TMTC2: variants seen among roughly 807,000 people sequenced by gnomAD.
TMTC2 encodes the protein protein O-mannosyl-transferase TMTC2.
A neutral mutation model predicts 82.4 loss-of-function variants in TMTC2; 43 were observed. The observed-to-expected ratio is 0.52, with a 90% confidence interval of 0.41 to 0.67. The LOEUF is 0.67. Ranked by LOEUF, TMTC2 falls within the 30% of genes least tolerant of loss-of-function variation. TMTC2 has a pLI of 0.00. For synonymous variants in TMTC2, 408 were observed against 381.9 expected (o/e 1.07, Z -0.80); for missense variants, 919 against 1,012.4 (o/e 0.91, Z 1.25).
In TMTC2 at chr12:82,895,722, G is replaced by A. The variant is rs916731177; in HGVS notation, c.655-96G>A. On this transcript the variant is annotated intron_variant, in intron 2 of 11. Coordinates refer to ENST00000321196, the MANE Select transcript of TMTC2 (RefSeq NM_152588.3). ...GGAGACATCATGCTGTGTTTTTAACGGTCCATTTAAAAATGTATTTTATCT... is the reference window on the plus strand; with the variant it reads ...GGAGACATCATGCTGTGTTTTTAACAGTCCATTTAAAAATGTATTTTATCT... 8.2e-6 allele frequency: 9 copies of A among 1,101,256 alleles called. No individual in the cohort carries two copies. The East Asian group carries it at 1.0e-4, about 12-fold the overall frequency. 68.2% of individuals were successfully genotyped at this position (1,101,256 alleles called of 1,614,324 possible). A position where few individuals can be genotyped will look rare whatever the true frequency, so the allele number is the denominator to read the frequency against.
At chr12:82,791,503 A>G (rs1878470389) in intron 1 of TMTC2, among the ~76,000 whole-genome samples, 1 of 152,144 alleles carries the variant, frequency 6.6e-6, no homozygotes, top group South Asian at 2.1e-4. Context: ...AAAAAGTGGT[A>G]CAAAGGCTTT....
chr12:83,049,667 CG>C (rs1882277562), intron 9 of TMTC2, among the ~76,000 whole-genome samples: 1 of 152,104 alleles, frequency 6.6e-6, no homozygotes, highest in East Asian at 1.9e-4. Context: ...TATTATTTCG[CG>C]TATGTACACA....
chr12:82,896,357 A>G lies in TMTC2; in HGVS notation c.1194A>G (p.Leu398=), dbSNP rs765053759. 1.2e-6 allele frequency: 2 copies of G among 1,614,096 alleles called. No homozygotes were observed. The highest frequency in any genetic ancestry group is 8.5e-7 in the Non-Finnish European group (1 of 1,180,020). Reference sequence around the variant, plus strand: ...CGGAGAACATTGTTGTTCTGTCTTTATCTTTGTTAATCATACCCTTTGTTC... The same window carrying G: ...CGGAGAACATTGTTGTTCTGTCTTTGTCTTTGTTAATCATACCCTTTGTTC... ...PSTENIVVLS[L]SLLIIPFVPA... Residue 398 remains leucine, a synonymous_variant, in exon 3 of 12, where the codon TTA becomes TTG. Transcript: ENST00000321196.
chr12:83,051,690 A>G lies in TMTC2; in HGVS notation c.2267+672A>G, dbSNP rs1055758104. ...GGAGAGGATTATCAAATACAAGTAT[A>G]CTTAAGGCCCATGAAATTCTCAAAA... On this transcript the variant is annotated intron_variant, in intron 10 of 11. Coordinates refer to ENST00000321196, the MANE Select transcript of TMTC2 (RefSeq NM_152588.3). 5.3e-5 allele frequency among the ~76,000 whole-genome samples: 8 copies of G among 152,180 alleles called. No homozygotes were observed. The South Asian group carries it at 1.7e-3, about 32-fold the overall frequency.
chr12:83,009,149 G>A (rs1199249667), intron 8 of TMTC2, among the ~76,000 whole-genome samples: 2 of 152,148 alleles, frequency 1.3e-5, no homozygotes, highest in Non-Finnish European at 2.9e-5. Context: ...AAGCTCTGGG[G>A]AAGGCTCTGG....
intron 1 of TMTC2, among the ~76,000 whole-genome samples, chr12:82,693,012 A>C (rs1592851823): frequency 6.6e-6 from 1 of 152,230 alleles, no homozygotes; most frequent in African/African-American, 2.4e-5. Flanking sequence ...ATATTACTAC[A>C]TATGAGCTTC....
chr12:82,865,058 C>CAAAAAAAAAA (rs1373298523), intron 2 of TMTC2, among the ~76,000 whole-genome samples: 3 of 84,408 alleles, frequency 3.6e-5, no homozygotes, highest in African/African-American at 9.9e-5. Flanking sequence ...ACTAAAAATA[C>CAAAAAAAAAA]AAAAAAAAAA....
chr12:82,733,184 T>C (rs1459859705), intron 1 of TMTC2, among the ~76,000 whole-genome samples: 1 of 152,206 alleles, frequency 6.6e-6, no homozygotes, highest in Non-Finnish European at 1.5e-5. Flanking sequence ...AGCTGAATAT[T>C]GGAAAGGATC....
At chr12:83,069,079 A>G (rs763215333) in intron 11 of TMTC2, among the ~76,000 whole-genome samples, 3 of 152,188 alleles carry the variant, frequency 2.0e-5, no homozygotes, top group Non-Finnish European at 4.4e-5. Context: ...TCATATACAT[A>G]TACCACAGTT....
At chr12:83,028,442 A>G (rs1326494782) in intron 8 of TMTC2, among the ~76,000 whole-genome samples, 1 of 152,176 alleles carries the variant, frequency 6.6e-6, no homozygotes, top group Non-Finnish European at 1.5e-5. Context: ...TTCCCCTATT[A>G]TGATCAACTT....
chr12:82,688,582 T>A (rs1471092197), intron 1 of TMTC2, among the ~76,000 whole-genome samples: 1 of 152,196 alleles, frequency 6.6e-6, no homozygotes, highest in Non-Finnish European at 1.5e-5. Context: ...CCTTCCGGTG[T>A]CTTAATCTGA....
intron 11 of TMTC2, among the ~76,000 whole-genome samples, chr12:83,089,540 C>T (rs1883771251): frequency 1.3e-5 from 2 of 152,114 alleles, no homozygotes; most frequent in Non-Finnish European, 2.9e-5. Context: ...AAGTAGTCAC[C>T]AGGGTACCAT....
At chr12:83,129,332 A>G (rs1885192217) in intron 11 of TMTC2, among the ~76,000 whole-genome samples, 1 of 152,200 alleles carries the variant, frequency 6.6e-6, no homozygotes, top group Non-Finnish European at 1.5e-5. Flanking sequence ...TTGTTTAATG[A>G]GTAACACACT....
At chr12:83,019,501 C>T (rs1425878595) in intron 8 of TMTC2, among the ~76,000 whole-genome samples, 2 of 152,204 alleles carry the variant, frequency 1.3e-5, no homozygotes, top group African/African-American at 4.8e-5. Flanking sequence ...CTGTCAACCT[C>T]TTGATTCAGC....
At chr12:83,065,145 C>A (rs2137478546) in intron 11 of TMTC2, among the ~76,000 whole-genome samples, 1 of 151,986 alleles carries the variant, frequency 6.6e-6, no homozygotes, top group East Asian at 1.9e-4. Context: ...GAAGCTGCAA[C>A]CTTCATTACA....
At chr12:82,892,081 G>C (rs911795213) in intron 2 of TMTC2, among the ~76,000 whole-genome samples, 3 of 152,042 alleles carry the variant, frequency 2.0e-5, no homozygotes, top group Non-Finnish European at 4.4e-5. Flanking sequence ...TAAATAAATA[G>C]AAAGAGTGAG....
chr12:82,897,279 G>C (rs1343451558), intron 3 of TMTC2, among the ~76,000 whole-genome samples: 2 of 152,166 alleles, frequency 1.3e-5, no homozygotes, highest in Non-Finnish European at 2.9e-5. Context: ...TACATAATGA[G>C]AGTTTTGATT....
intron 2 of TMTC2, among the ~76,000 whole-genome samples, chr12:82,863,903 G>A (rs1367205644): frequency 1.3e-5 from 2 of 152,180 alleles, no homozygotes; most frequent in Admixed American, 1.3e-4. Context: ...GGGAAGTGGT[G>A]AGGGTTATAA....
chr12:83,073,344 C>T (rs1883180843), intron 11 of TMTC2, among the ~76,000 whole-genome samples: 1 of 152,182 alleles, frequency 6.6e-6, no homozygotes, highest in Non-Finnish European at 1.5e-5. Flanking sequence ...GCTCAGAAAT[C>T]TGCTGTTAAT....
Sources: gnomAD v4.1 joint callset for allele counts (sites outside exome capture counted in the v4.1 genomes callset) on GRCh38, gnomAD v4.1.1 for gene constraint, MANE v1.5 for transcripts, NCBI Gene and HGNC (gene_info 2026-07-23, HGNC 2026-07-21) for gene names.